The following MTCL1 variants were observed in gnomAD, a reference collection of about 807,000 sequenced individuals.
MTCL1 encodes microtubule crosslinking factor 1.
A neutral mutation model predicts 141.4 loss-of-function variants in MTCL1; 79 were observed. That is an observed-to-expected ratio of 0.56 (90% CI 0.47 to 0.67). The LOEUF (loss-of-function observed/expected upper bound fraction) is 0.67. Among genes scored for constraint, MTCL1 ranks in the 30% least tolerant of loss-of-function variants. The pLI is 0.00. For missense variants in MTCL1, 2,177 were observed against 2,113.9 expected, an observed-to-expected ratio of 1.03 and a Z score of -0.59; for synonymous variants, 914 against 875.8, an observed-to-expected ratio of 1.04 and a Z score of -0.77.
rs1345505661 is a variant in MTCL1 at position 8,821,518 on chromosome 18, A to G, written c.3188+20A>G. 2 of 1,266,566 alleles carry G rather than the reference A, an allele frequency of 1.6e-6. No homozygotes were observed. The highest frequency in any genetic ancestry group is 2.3e-6 in the Non-Finnish European group (2 of 885,148). 78.5% of individuals were successfully genotyped at this position (1,266,566 alleles called of 1,614,324 possible). On this transcript the variant is annotated intron_variant, in intron 14 of 16. Coordinates refer to ENST00000359865, the Ensembl canonical transcript of MTCL1. ...TCAAAGGTAAGTAAGATTGATGAAA[A>G]TAATAGATTACTAGAATAAAAATGT...
At chr18:8,768,981 G>A (rs1157059791) in intron 4 of MTCL1, among the ~76,000 whole-genome samples, 1 of 152,028 alleles carries the variant, frequency 6.6e-6, no homozygotes, top group Non-Finnish European at 1.5e-5. Context: ...TTTTAGTAGA[G>A]ATGGGGTTTC....
intron 7 of MTCL1, among the ~76,000 whole-genome samples, chr18:8,788,251 C>T: frequency 6.6e-6 from 1 of 152,254 alleles, no homozygotes; most frequent in East Asian, 1.9e-4. Flanking sequence ...TTTCTTTGCT[C>T]CCTTCTACAT....
chr18:8,826,292 C>T, intron 15 of MTCL1, 60 bp downstream of exon 14: 6 of 1,403,104 alleles, frequency 4.3e-6, no homozygotes, highest in Non-Finnish European at 5.7e-6. Flanking sequence ...AGCTGTGGGG[C>T]AGGTTGGGAC....
chr18:8,831,100 C>T (rs1323468249), intron 16 of MTCL1: 2 of 986,604 alleles, frequency 2.0e-6, no homozygotes, highest in South Asian at 4.7e-5. Flanking sequence ...TAAACAGTAG[C>T]AGAGTTCGTT....
chr18:8,796,027 T>G (rs2075905188), intron 8 of MTCL1, among the ~76,000 whole-genome samples: 1 of 152,220 alleles, frequency 6.6e-6, no homozygotes, highest in Non-Finnish European at 1.5e-5. Context: ...GAAATAGCAC[T>G]TGATTCTGAA....
Position 8,809,653 on chromosome 18 carries a change from G to T in MTCL1, c.2604+2593G>T, listed in dbSNP as rs941455262. On this transcript the variant is annotated intron_variant, in intron 11 of 16. Transcript: ENST00000359865. ...AAAACGGAGCAAGTAGAGAGTGGCC[G>T]GGCCTGGTGGCCGGTTCATGAGACG... The T allele has an allele frequency of 6.7e-6, 10 of 1,503,684 alleles. No individual in the cohort carries two copies. The Admixed American group carries it at 1.9e-4, about 28-fold the overall frequency. The allele number at this position is 1,503,684 out of a possible 1,614,324, so 93.1% of individuals were successfully genotyped here.
At chr18:8,786,785 T>C (rs1242121426) in intron 7 of MTCL1, 1 of 204,852 alleles carries the variant, frequency 4.9e-6, no homozygotes, top group Non-Finnish European at 1.0e-5. Flanking sequence ...AAATGCTGTG[T>C]CAGTGTAAAG....
At chr18:8,784,516 G>A (rs778570946) in exon 6 of MTCL1, 89 of 1,601,874 alleles carry the variant, frequency 5.6e-5, no homozygotes, top group Admixed American at 3.4e-4. Context: ...AGCGGACGGT[G>A]GAGCGCCTCA....
At chr18:8,774,374 A>G (rs973170454) in intron 4 of MTCL1, among the ~76,000 whole-genome samples, 1 of 152,218 alleles carries the variant, frequency 6.6e-6, no homozygotes, top group Non-Finnish European at 1.5e-5. Flanking sequence ...ATTAGGCAGC[A>G]TTAAGCATTA....
chr18:8,786,187 G>GGGAACATGGCAGGAGGAGGT (rs1296124088), intron 7 of MTCL1, 96 bp downstream of exon 6: 5 of 1,356,224 alleles, frequency 3.7e-6, no homozygotes, highest in Non-Finnish European at 5.1e-6. Flanking sequence ...GAGGCCCTGA[G>GGGAACATGGCAGGAGGAGGT]GGAACATGGC....
chr18:8,770,148 T>G (rs1341063132), intron 4 of MTCL1, among the ~76,000 whole-genome samples: 2 of 152,170 alleles, frequency 1.3e-5, no homozygotes, highest in Non-Finnish European at 2.9e-5. Context: ...TGACCTTGAA[T>G]GTAGGCTTAG....
At chr18:8,783,636 A>G in exon 6 of MTCL1, 1 of 1,613,554 alleles carries the variant, frequency 6.2e-7, no homozygotes, top group Non-Finnish European at 8.5e-7. Context: ...GAGCTGGAGC[A>G]GGAGCTCCAG....
upstream of MTCL1, among the ~76,000 whole-genome samples, chr18:8,713,512 G>T (rs1008123009): frequency 2.6e-5 from 4 of 152,180 alleles, no homozygotes; most frequent in Non-Finnish European, 4.4e-5. Flanking sequence ...GGAGCATGCC[G>T]TCAGAAAATT....
chr18:8,807,123 C>A, intron 11 of MTCL1, 63 bp downstream of exon 10: 1 of 1,495,264 alleles, frequency 6.7e-7, no homozygotes, highest in Non-Finnish European at 9.1e-7. Flanking sequence ...GGATATGTGG[C>A]GGGGGAGCGG....
At chr18:8,712,725 C>T (rs1402115092), upstream of MTCL1, among the ~76,000 whole-genome samples, 2 of 152,176 alleles carry the variant, frequency 1.3e-5, no homozygotes, top group African/African-American at 4.8e-5. Context: ...AGTCGCCCTG[C>T]ACCTCCTTAG....
chr18:8,825,053 C>A (rs2076971761), exon 15 of MTCL1: 2 of 1,612,814 alleles, frequency 1.2e-6, no homozygotes. Context: ...CACTGCGGAG[C>A]CACGTCCTCA....
rs116260909 is a variant in MTCL1 at position 8,808,155 on chromosome 18, G to A, written c.2604+1095G>A. Reference sequence around the variant, plus strand: ...GGCCTGGGCATCAAGTGAGAGAGCAGCTGGCCTGATTGTGGCTCCTGCCTG... The same window carrying A: ...GGCCTGGGCATCAAGTGAGAGAGCAACTGGCCTGATTGTGGCTCCTGCCTG... On this transcript the variant is annotated intron_variant, in intron 11 of 16. Coordinates refer to ENST00000359865, the Ensembl canonical transcript of MTCL1. 7.1e-3 allele frequency among the ~76,000 whole-genome samples: 1,080 copies of A among 152,330 alleles called. 14 individuals are homozygous for A. The highest frequency in any genetic ancestry group is 0.024 in the African/African-American group (1,003 of 41,566).
chr18:8,754,050 AT>A (rs1298337689), intron 4 of MTCL1, among the ~76,000 whole-genome samples: 8 of 152,132 alleles, frequency 5.3e-5, no homozygotes, highest in Non-Finnish European at 8.8e-5. Context: ...ACTGGTTGAA[AT>A]TTTCCCCCTA....
chr18:8,710,116 A>G (rs561492546), intron 1 of MTCL1, among the ~76,000 whole-genome samples: 1 of 152,338 alleles, frequency 6.6e-6, no homozygotes, highest in South Asian at 2.1e-4. Flanking sequence ...CTGGGATTAC[A>G]GGCATGAGCC....
Sources: gnomAD v4.1 joint callset for allele counts (sites outside exome capture counted in the v4.1 genomes callset) on GRCh38, gnomAD v4.1.1 for gene constraint, MANE v1.5 for transcripts, NCBI Gene and HGNC (gene_info 2026-07-23, HGNC 2026-07-21) for gene names.